XPO7: variants seen among roughly 807,000 people sequenced by gnomAD.
XPO7 encodes the protein exportin-7.
In XPO7, 21 loss-of-function variants were observed where a neutral mutation model predicts 144.3. The observed-to-expected ratio is 0.15, with a 90% CI of 0.10 to 0.21. The LOEUF (loss-of-function observed/expected upper bound fraction) is 0.21, where lower values mean the gene tolerates loss of function less well. Among genes scored for constraint, XPO7 ranks in the 10% least tolerant of loss-of-function variants. XPO7 has a pLI of 1.00. For missense variants in XPO7, 808 were observed against 1,325.8 expected, an observed-to-expected ratio of 0.61 and a Z score of 6.06; for synonymous variants, 580 against 499.6, an observed-to-expected ratio of 1.16 and a Z score of -2.15.
chr8:21,994,539 A>AGGG, intron 20 of XPO7, 88 bp downstream of exon 20: 1 of 1,244,160 alleles, frequency 8.0e-7, no homozygotes, highest in Non-Finnish European at 1.1e-6. Flanking sequence ...TGTAGGGGGA[A>AGGG]GGGAGGGTAG....
At chr8:22,002,363 G>A (rs1287445150) in intron 25 of XPO7, 91 bp downstream of exon 25, 2 of 1,447,688 alleles carry the variant, frequency 1.4e-6, no homozygotes, top group Non-Finnish European at 1.9e-6. Flanking sequence ...CGATTAACAT[G>A]ACATCTCATC....
intron 1 of XPO7, among the ~76,000 whole-genome samples, chr8:21,942,605 G>A (rs987073209): frequency 1.3e-5 from 2 of 152,208 alleles, no homozygotes; most frequent in African/African-American, 2.4e-5. Flanking sequence ...TAGTTTGAAA[G>A]GGGAGGAGTA....
intron 21 of XPO7, among the ~76,000 whole-genome samples, chr8:21,998,182 C>T (rs940543196): frequency 6.6e-6 from 1 of 152,204 alleles, no homozygotes; most frequent in Non-Finnish European, 1.5e-5. Flanking sequence ...TGGCTCACGC[C>T]TGTAATCCCA....
chr8:21,983,522 T>C (rs117004936), intron 11 of XPO7, among the ~76,000 whole-genome samples: 2,046 of 152,324 alleles, frequency 0.013, 33 homozygotes, highest in Non-Finnish European at 0.018. Context: ...TGAGTTATAG[T>C]CTTAACTGTT....
At chr8:21,924,951 A>G (rs1366358563) in intron 1 of XPO7, among the ~76,000 whole-genome samples, 1 of 152,236 alleles carries the variant, frequency 6.6e-6, no homozygotes, top group African/African-American at 2.4e-5. Context: ...ATAGAAGGAA[A>G]TACAAGATGT....
At chr8:21,946,149 G>C (rs956679774) in intron 1 of XPO7, among the ~76,000 whole-genome samples, 3 of 152,096 alleles carry the variant, frequency 2.0e-5, no homozygotes, top group Non-Finnish European at 4.4e-5. Context: ...AGCCACCATA[G>C]AAGAGATTCA....
At position 21,941,787 on chromosome 8, in the gene XPO7, C is replaced by T. The variant is rs567754183; in HGVS notation, c.18+21999C>T. Among the ~76,000 whole-genome samples the T allele has an allele frequency of 1.2e-4, 19 of 152,288 alleles. No individual in the cohort carries two copies. The East Asian group carries it at 2.7e-3, about 22-fold the overall frequency. ...ATTTTCTAGGCTTAAGCGATCCTCC[C>T]GCCTCAGCCTTCCAAGTACTAGCTG... On this transcript the variant is annotated intron_variant, in intron 1 of 27. Coordinates refer to ENST00000252512, the MANE Select transcript of XPO7 (RefSeq NM_015024.5).
chr8:21,944,397 A>C (rs986759319), intron 1 of XPO7, among the ~76,000 whole-genome samples: 1 of 152,086 alleles, frequency 6.6e-6, no homozygotes, highest in East Asian at 1.9e-4. Context: ...GTGAAACCCC[A>C]TGTCTACTAA....
intron 15 of XPO7, chr8:21,988,233 T>C (rs778034944): frequency 1.5e-5 from 3 of 200,756 alleles, no homozygotes; most frequent in Non-Finnish European, 2.1e-5. Flanking sequence ...GCTGATTTCC[T>C]CTCGTTATCC....
Position 21,982,265 on chromosome 8 carries a change from T to G in XPO7, c.1105-375T>G, listed in dbSNP as rs567591776. ...CTTGTATCACAGTCATCTAGGGGACTGATGAAAAAATATAGATTCTTGAGT... is the reference window on the plus strand; with the variant it reads ...CTTGTATCACAGTCATCTAGGGGACGGATGAAAAAATATAGATTCTTGAGT... On this transcript the variant is annotated intron_variant, in intron 10 of 27. Coordinates refer to ENST00000252512, the MANE Select transcript of XPO7 (RefSeq NM_015024.5). 1.2e-4 allele frequency among the ~76,000 whole-genome samples: 18 copies of G among 152,274 alleles called. No homozygotes were observed. The East Asian group carries it at 3.5e-3, about 29-fold the overall frequency.
intron 13 of XPO7, 42 bp downstream of exon 13, chr8:21,985,733 C>T: frequency 6.5e-7 from 1 of 1,544,378 alleles, no homozygotes; most frequent in African/African-American, 1.4e-5. Flanking sequence ...GCCTTGCTGG[C>T]ACTTCTCCAC....
chr8:21,980,255 G>T, intron 9 of XPO7, 52 bp downstream of exon 9: 1 of 1,523,574 alleles, frequency 6.6e-7, no homozygotes. Flanking sequence ...ATGGCCAGCT[G>T]TTATGAGTCA....
At chr8:21,977,570 G>A (rs918445212) in intron 7 of XPO7, among the ~76,000 whole-genome samples, 200 bp from the exon 8 acceptor site, 6 of 152,192 alleles carry the variant, frequency 3.9e-5, no homozygotes, top group Non-Finnish European at 7.3e-5. Flanking sequence ...GGGCTACAGA[G>A]GGAGACTCCG....
In XPO7 at chr8:21,984,767, C is replaced by T; in HGVS notation, c.1399C>T (p.Gln467Ter). Residue 467 changes from glutamine (Q) to a stop codon, truncating the protein, a stop_gained, in exon 12 of 28, where the codon CAG becomes TAG. Transcript: ENST00000252512. LOFTEE classifies it high-confidence loss of function. ...TCALLVQLFD[Q>*]SAQSYQELLQ... ...TGCACTCCTCGTGCAGTTGTTTGACCAGTCGGCCCAGTCGTACCAGGAGCT... is the reference window on the plus strand; with the variant it reads ...TGCACTCCTCGTGCAGTTGTTTGACTAGTCGGCCCAGTCGTACCAGGAGCT... 6.2e-7 allele frequency: 1 copy of T among 1,613,966 alleles called. No individual in the cohort carries two copies. Among genetic ancestry groups the T allele is most frequent in the East Asian group, 2.2e-5 (1 of 44,864 alleles).
chr8:22,002,914 T>A (rs3816786), intron 25 of XPO7: 79,565 of 216,744 alleles, frequency 0.37, 15,522 homozygotes, highest in Non-Finnish European at 0.42. Flanking sequence ...TGCAAGGTGG[T>A]TTTGCTTACT....
chr8:21,922,015 C>T (rs1423683901), intron 1 of XPO7, among the ~76,000 whole-genome samples: 1 of 152,176 alleles, frequency 6.6e-6, no homozygotes, highest in Non-Finnish European at 1.5e-5. Context: ...TAAAGACAGT[C>T]TGCAATGCAT....
rs542581175 is a variant in XPO7 at position 21,967,384 on chromosome 8, G to T, written c.165+381G>T. On this transcript the variant is annotated intron_variant, in intron 2 of 27. Transcript: ENST00000252512. ...TCGCTCTTGTTGCCCAGGCTGGAGT[G>T]CAATGGCGTGATCTTGGCTCACTGC... Among the ~76,000 whole-genome samples the T allele has an allele frequency of 2.8e-3, 429 of 152,302 alleles. 2 individuals carry two copies. Among genetic ancestry groups the T allele is most frequent in the Non-Finnish European group, 5.2e-3 (357 of 68,024 alleles).
At chr8:21,958,689 T>C (rs946804051) in intron 1 of XPO7, among the ~76,000 whole-genome samples, 16 of 81,650 alleles carry the variant, frequency 2.0e-4, no homozygotes, top group Admixed American at 1.5e-4. Context: ...CCGGGCATGG[T>C]TGCGCATGCC....
At chr8:21,997,616 C>G (rs1301730878) in intron 21 of XPO7, among the ~76,000 whole-genome samples, 1 of 152,174 alleles carries the variant, frequency 6.6e-6, no homozygotes, top group Non-Finnish European at 1.5e-5. Context: ...GCCAGATCAT[C>G]TAGTGCCTTC....
Sources: gnomAD v4.1 joint callset for allele counts (sites outside exome capture counted in the v4.1 genomes callset) on GRCh38, gnomAD v4.1.1 for gene constraint, MANE v1.5 for transcripts, NCBI Gene and HGNC (gene_info 2026-07-23, HGNC 2026-07-21) for gene names.